The following ARHGEF6 variants were observed in gnomAD, a reference collection of about 807,000 sequenced individuals.
The protein encoded by ARHGEF6 is rho guanine nucleotide exchange factor 6.
In ARHGEF6, 9 loss-of-function variants were observed where a neutral mutation model predicts 70.3. That is an observed-to-expected ratio of 0.13 (90% CI 0.08 to 0.22). ARHGEF6 has a LOEUF of 0.22. ARHGEF6 is among the 10% of genes least tolerant of loss of function. ARHGEF6 has a pLI of 1.00. For missense variants in ARHGEF6, 470 were observed against 563.0 expected (o/e 0.83, Z 1.67); for synonymous variants, 201 against 207.8 (o/e 0.97, Z 0.28).
intron 19 of ARHGEF6, among the ~76,000 whole-genome samples, chrX:136,673,849 T>C (rs1332979815): frequency 9.1e-6 from 1 of 109,797 alleles, no homozygotes; most frequent in Non-Finnish European, 1.9e-5. Context: ...TCTCTCTCTC[T>C]CCCCCCACCT....
rs184046593 is a variant in ARHGEF6 at position 136,733,254 on chromosome X, C to T, written c.662-1082G>A. ...TGGTTTATATTTTAATTTTAACTTG[C>T]TATATTTTATGCTGTTTTAAACCCT... is the stretch of plus-strand genomic sequence containing the variant. On this transcript the variant is annotated intron_variant, in intron 5 of 21. Coordinates refer to ENST00000250617, the MANE Select transcript of ARHGEF6 (RefSeq NM_004840.3). Among the ~76,000 whole-genome samples the T allele has an allele frequency of 4.6e-3, 510 of 111,212 alleles. 3 individuals carry two copies. Among genetic ancestry groups the T allele is most frequent in the African/African-American group, 0.016 (491 of 30,664 alleles).
intron 9 of ARHGEF6, among the ~76,000 whole-genome samples, chrX:136,697,263 G>T: frequency 8.9e-6 from 1 of 111,793 alleles, no homozygotes; most frequent in East Asian, 2.8e-4. Context: ...AAACAAAGGA[G>T]ATTTTGGTAG....
intron 9 of ARHGEF6, among the ~76,000 whole-genome samples, chrX:136,698,507 G>A (rs2076534427): frequency 8.9e-6 from 1 of 111,752 alleles, no homozygotes; most frequent in South Asian, 3.7e-4. Flanking sequence ...CTGAAAGCAG[G>A]AAGAGAAGAA....
chrX:136,668,863 C>T lies in ARHGEF6; in HGVS notation c.2190+619G>A, dbSNP rs192356456. On this transcript the variant is annotated intron_variant, in intron 21 of 21. Transcript: ENST00000250617. ...AAGAAGCTTCATCTTTAATCCCTGG[C>T]TCTTTCTTAATCTCAAAATCATATT... Among the ~76,000 whole-genome samples the T allele has an allele frequency of 9.0e-4, 100 of 111,111 alleles. 1 individual carries two copies. The highest frequency in any genetic ancestry group is 1.5e-3 in the Non-Finnish European group (78 of 52,972).
chrX:136,733,513 T>C (rs2076956627), intron 5 of ARHGEF6, among the ~76,000 whole-genome samples: 2 of 111,807 alleles, frequency 1.8e-5, no homozygotes, highest in South Asian at 3.7e-4. Context: ...TGAACACACA[T>C]ATGCACACAC....
At chrX:136,701,702 CTTTTTTTTTT>C (rs762628006) in intron 9 of ARHGEF6, among the ~76,000 whole-genome samples, 47 of 68,211 alleles carry the variant, frequency 6.9e-4, no homozygotes, top group African/African-American at 2.6e-3. Flanking sequence ...TTTCATTTTT[CTTTTTTTTTT>C]TTTTTTTTTT....
chrX:136,683,198 T>C (rs376799125), intron 12 of ARHGEF6, among the ~76,000 whole-genome samples: 1 of 111,772 alleles, frequency 8.9e-6, no homozygotes, highest in Non-Finnish European at 1.9e-5. Flanking sequence ...AAAATGAAAA[T>C]ATATTTTACT....
At chrX:136,701,702 CTT>C (rs762628006) in intron 9 of ARHGEF6, among the ~76,000 whole-genome samples, 1,561 of 67,911 alleles carry the variant, frequency 0.023, 23 homozygotes, top group African/African-American at 0.091. Context: ...TTTCATTTTT[CTT>C]TTTTTTTTTT....
At position 136,732,111 on chromosome X, in the gene ARHGEF6, A is replaced by G. The variant is rs915638840; in HGVS notation, c.723T>C (p.Tyr241=). ...TCATCTGAACACTTACCACAGTATA[A>G]TAATTCTTGGTAAGTGGAGCAGTTT... ...GFETAPLTKN[Y]YTVVLQNILD... The change falls in exon 6 of 22, where the codon TAT becomes TAC. Residue 241 remains tyrosine, a synonymous_variant. Transcript: ENST00000250617. 2 of 1,204,726 alleles carry G rather than the reference A, an allele frequency of 1.7e-6. No individual in the cohort carries two copies. The highest frequency in any genetic ancestry group is 2.2e-6 in the Non-Finnish European group (2 of 891,072).
chrX:136,778,244 C>T (rs1354352783), intron 2 of ARHGEF6, among the ~76,000 whole-genome samples: 1 of 111,772 alleles, frequency 8.9e-6, no homozygotes, highest in African/African-American at 3.3e-5. Context: ...AGTTAAGTAA[C>T]ATGCCCAAGG....
chrX:136,772,091 G>C (rs2077367618), intron 2 of ARHGEF6, among the ~76,000 whole-genome samples: 1 of 112,425 alleles, frequency 8.9e-6, no homozygotes, highest in Admixed American at 9.4e-5. Flanking sequence ...AGAAGAATGA[G>C]AATCAGTCAT....
intron 6 of ARHGEF6, among the ~76,000 whole-genome samples, chrX:136,721,088 C>T (rs1027267847): frequency 8.9e-6 from 1 of 112,042 alleles, no homozygotes; most frequent in African/African-American, 3.2e-5. Context: ...ATAGATTCAA[C>T]ATAATTCCAA....
chrX:136,690,599 C>T lies in ARHGEF6; in HGVS notation c.1185+11G>A, dbSNP rs2148593886. ...TGGCACACGAGCTTGAAAAAGTTCA[C>T]CTTCCCTTACCTCCATATGCCGTTC... On this transcript the variant is annotated intron_variant, in intron 10 of 21. Coordinates refer to ENST00000250617, the MANE Select transcript of ARHGEF6 (RefSeq NM_004840.3). 3.3e-6 allele frequency: 4 copies of T among 1,210,450 alleles called. No homozygotes were observed. Among genetic ancestry groups the T allele is most frequent in the Non-Finnish European group, 4.5e-6 (4 of 894,976 alleles).
chrX:136,779,002 T>C (rs1184998842), intron 2 of ARHGEF6, among the ~76,000 whole-genome samples: 1 of 111,736 alleles, frequency 8.9e-6, no homozygotes. Context: ...TCTCTCAGCT[T>C]TTCAAGGCCT....
intron 9 of ARHGEF6, among the ~76,000 whole-genome samples, chrX:136,692,182 G>A (rs1220141308): frequency 9.0e-6 from 1 of 111,730 alleles, no homozygotes. Context: ...ATGTTGGGCT[G>A]GGAATGGCTG....
At chrX:136,709,862 A>C (rs2076665583) in intron 7 of ARHGEF6, among the ~76,000 whole-genome samples, 2 of 112,005 alleles carry the variant, frequency 1.8e-5, no homozygotes, top group African/African-American at 6.5e-5. Context: ...GCTACTCGGG[A>C]GGCTGAGGCA....
intron 7 of ARHGEF6, 102 bp downstream of exon 7, chrX:136,713,174 T>C (rs2076704382): frequency 1.4e-6 from 1 of 735,642 alleles, no homozygotes; most frequent in African/African-American, 2.1e-5. Flanking sequence ...TGGAAATTCT[T>C]CTAAAGGGCA....
In ARHGEF6 at chrX:136,674,570, C is replaced by G. The variant is rs1474761199; in HGVS notation, c.2035+437G>C. Among the ~76,000 whole-genome samples, 5 of 112,081 alleles carry G rather than the reference C, an allele frequency of 4.5e-5. No homozygotes were observed. The East Asian group carries it at 8.4e-4, about 19-fold the overall frequency. On this transcript the variant is annotated intron_variant, in intron 19 of 21. Coordinates refer to ENST00000250617, the MANE Select transcript of ARHGEF6 (RefSeq NM_004840.3). ...ACTTTGAAACTTGAGTTTGGTGAAG[C>G]ATTGTTCGTTTAAATATGCAGCTGA...
intron 20 of ARHGEF6, among the ~76,000 whole-genome samples, chrX:136,670,463 G>A (rs1340404811): frequency 4.5e-5 from 5 of 111,348 alleles, no homozygotes; most frequent in Non-Finnish European, 9.4e-5. Flanking sequence ...CAGAGCCCAC[G>A]CATGCAGAGG....
Sources: allele counts gnomAD v4.1 joint callset (sites outside exome capture counted in the v4.1 genomes callset), GRCh38; gene constraint gnomAD v4.1.1; transcripts MANE v1.5; gene names NCBI Gene and HGNC (gene_info 2026-07-23, HGNC 2026-07-21).